Variants in ANO3 observed in about 807,000 individuals in gnomAD.
ANO3 encodes the protein anoctamin 3.
Under a neutral mutation model 144.8 loss-of-function variants are expected in ANO3, and 99 were observed. The observed-to-expected ratio is 0.68, with a 90% CI of 0.58 to 0.81. The LOEUF (loss-of-function observed/expected upper bound fraction) is 0.81. ANO3 is among the 30% of genes least tolerant of loss of function. ANO3 has a pLI of 0.00. For missense variants in ANO3, 905 were observed against 1,202.2 expected, an observed-to-expected ratio of 0.75 and a Z score of 3.66; for synonymous variants, 414 against 392.6, an observed-to-expected ratio of 1.05 and a Z score of -0.64.
At chr11:26,611,632 A>G (rs555202170) in intron 17 of ANO3, among the ~76,000 whole-genome samples, 4 of 152,076 alleles carry the variant, frequency 2.6e-5, no homozygotes, top group Non-Finnish European at 4.4e-5. Context: ...CATTTGGTCT[A>G]TGGTGTAGTT....
At chr11:26,401,199 A>C (rs1857138623) in intron 1 of ANO3, among the ~76,000 whole-genome samples, 1 of 152,034 alleles carries the variant, frequency 6.6e-6, no homozygotes, top group South Asian at 2.1e-4. Flanking sequence ...TTGGATTCTC[A>C]GTCATGGAAG....
At chr11:26,283,313 AATAAATAAATATATATATATAT>A (rs1288946459) in intron 1 of ANO3, among the ~76,000 whole-genome samples, 1 of 72,798 alleles carries the variant, frequency 1.4e-5, no homozygotes, top group Non-Finnish European at 2.7e-5. Context: ...AAAATAAACA[AATAAATAAATATATATATATAT>A]ATATATATAT....
chr11:26,420,224 C>G (rs918754977), intron 1 of ANO3, among the ~76,000 whole-genome samples: 2 of 151,966 alleles, frequency 1.3e-5, no homozygotes, highest in Admixed American at 1.3e-4. Context: ...TCCATGTTTA[C>G]TTCTAAACAT....
chr11:26,237,280 C>T (rs946409089), intron 1 of ANO3, among the ~76,000 whole-genome samples: 1 of 152,114 alleles, frequency 6.6e-6, no homozygotes, highest in African/African-American at 2.4e-5. Context: ...AAAATTTTTA[C>T]ATCTGAAATA....
At chr11:26,617,386 C>T (rs927060058) in intron 17 of ANO3, among the ~76,000 whole-genome samples, 3 of 152,160 alleles carry the variant, frequency 2.0e-5, no homozygotes, top group Admixed American at 2.0e-4. Context: ...AAAACAAAGG[C>T]TGAACTCAGT....
intron 11 of ANO3, among the ~76,000 whole-genome samples, chr11:26,544,466 G>A (rs559223339): frequency 1.3e-5 from 2 of 150,752 alleles, no homozygotes; most frequent in Non-Finnish European, 3.0e-5. Context: ...GGGAGAAGTT[G>A]GTCAAAGGAT....
rs572024903 is a variant in ANO3, at chr11:26,627,890, C to T, written c.1873+3392C>T. On this transcript the variant is annotated intron_variant, in intron 18 of 26. Coordinates refer to ENST00000256737, the MANE Select transcript of ANO3 (RefSeq NM_031418.4). ...TTATGTTCTGTTTAATTTTTGGCTGCGCTAATTTGTGCTTCAAAATACAAA... is the reference window on the plus strand; with the variant it reads ...TTATGTTCTGTTTAATTTTTGGCTGTGCTAATTTGTGCTTCAAAATACAAA... Among the ~76,000 whole-genome samples, 14 of 147,228 alleles carry T rather than the reference C, an allele frequency of 9.5e-5. No individual in the cohort carries two copies. The South Asian group carries it at 1.7e-3, about 18-fold the overall frequency.
At chr11:26,463,252 A>G (rs1339878575) in intron 4 of ANO3, 104 bp downstream of exon 4, 19 of 583,432 alleles carry the variant, frequency 3.3e-5, no homozygotes, top group Non-Finnish European at 5.4e-5. Context: ...ATATAAAAGA[A>G]TATACATGTT....
rs775274968 is a variant in ANO3, at chr11:26,627,978, TTC to T, written c.1873+3482_1873+3483del. 8.5e-5 allele frequency among the ~76,000 whole-genome samples: 13 copies of T among 152,248 alleles called. No individual in the cohort carries two copies. The East Asian group carries it at 1.2e-3, about 14-fold the overall frequency. On this transcript the variant is annotated intron_variant, in intron 18 of 26. Transcript: ENST00000256737. ...GCTATTTAAAGAATTTTTTTAAACT[TTC>T]TGTTTCTTGATTTATTTTTTTCCAA...
chr11:26,190,883 C>CT (rs1457231742), intron 1 of ANO3, among the ~76,000 whole-genome samples: 1 of 152,122 alleles, frequency 6.6e-6, no homozygotes, highest in Non-Finnish European at 1.5e-5. Context: ...CTCCTTTTTG[C>CT]TTCCATATTT....
intron 14 of ANO3, chr11:26,567,090 C>T (rs865885555): frequency 2.0e-5 from 30 of 1,483,492 alleles, no homozygotes; most frequent in Non-Finnish European, 2.7e-5. Context: ...TTGTATTATG[C>T]CCATTTTGCA....
chr11:26,464,858 C>G (rs967300732), intron 4 of ANO3, among the ~76,000 whole-genome samples: 3 of 151,804 alleles, frequency 2.0e-5, no homozygotes, highest in Non-Finnish European at 4.4e-5. Context: ...AATGTGTCCA[C>G]TTTTATCCAT....
At position 26,374,360 on chromosome 11, in the gene ANO3, T is replaced by A. The variant is rs904245551; in HGVS notation, c.46+42039T>A. ...AAGAGAGCTGCTTTGTAGTCCTGTA[T>A]AGGTCTTAGAAGTGAAGTGACCCAC... On this transcript the variant is annotated intron_variant, in intron 1 of 26. Coordinates refer to ENST00000256737, the MANE Select transcript of ANO3 (RefSeq NM_031418.4). Among the ~76,000 whole-genome samples the A allele has an allele frequency of 2.0e-5, 3 of 152,328 alleles. No homozygotes were observed. In the South Asian group the frequency reaches 6.2e-4, roughly 32 times the overall value.
chr11:26,388,328 A>T (rs1856788505), intron 1 of ANO3, among the ~76,000 whole-genome samples: 1 of 151,994 alleles, frequency 6.6e-6, no homozygotes, highest in Non-Finnish European at 1.5e-5. Flanking sequence ...AAATTTCATT[A>T]TTCTTCCTAA....
chr11:26,660,162 C>A, intron 26 of ANO3, 100 bp from the exon 27 acceptor site: 1 of 1,061,554 alleles, frequency 9.4e-7, no homozygotes, highest in Non-Finnish European at 1.4e-6. Context: ...AGTTCTGATG[C>A]TTGATTCAAG....
intron 4 of ANO3, among the ~76,000 whole-genome samples, chr11:26,489,162 T>C (rs1252659287): frequency 6.6e-6 from 1 of 152,058 alleles, no homozygotes; most frequent in Admixed American, 6.5e-5. Flanking sequence ...CTGTGCTGTG[T>C]GCAGCCTAGG....
intron 14 of ANO3, chr11:26,565,350 A>C: frequency 1.2e-6 from 2 of 1,612,722 alleles, no homozygotes; most frequent in East Asian, 4.5e-5. Flanking sequence ...TGAAGAGAGG[A>C]TGCTAACTGT....
intron 1 of ANO3, among the ~76,000 whole-genome samples, chr11:26,314,608 T>G (rs1467192007): frequency 6.6e-6 from 1 of 152,142 alleles, no homozygotes; most frequent in Non-Finnish European, 1.5e-5. Context: ...TCTTTCTTTG[T>G]CTTCTTCTGT....
chr11:26,234,889 A>C (rs1852481238), intron 1 of ANO3, among the ~76,000 whole-genome samples: 1 of 152,074 alleles, frequency 6.6e-6, no homozygotes. Context: ...TCCAGTCCAA[A>C]TCCTAAGGCC....
Sources: allele counts gnomAD v4.1 joint callset (sites outside exome capture counted in the v4.1 genomes callset), GRCh38; gene constraint gnomAD v4.1.1; transcripts MANE v1.5; gene names NCBI Gene and HGNC (gene_info 2026-07-23, HGNC 2026-07-21).